Variants in ANO4 observed in about 807,000 individuals in gnomAD.
ANO4 encodes the protein anoctamin-4.
A neutral mutation model predicts 141.9 loss-of-function variants in ANO4; 69 were observed. The observed-to-expected ratio is 0.49, with a 90% CI of 0.40 to 0.59. ANO4 has a LOEUF of 0.59. ANO4 is among the 20% of genes least tolerant of loss of function. The pLI, the probability that ANO4 is intolerant of heterozygous loss-of-function variation, is 0.00. For synonymous variants in ANO4, 350 were observed against 394.3 expected, an observed-to-expected ratio of 0.89 and a Z score of 1.33; for missense variants, 894 against 1,162.2, an observed-to-expected ratio of 0.77 and a Z score of 3.36.
intron 2 of ANO4, among the ~76,000 whole-genome samples, chr12:100,918,703 T>C (rs1211486490): frequency 6.6e-6 from 1 of 152,204 alleles, no homozygotes; most frequent in Admixed American, 6.5e-5. Context: ...ATATAGCACA[T>C]ACAGTTATTT....
rs551135507 is a variant in ANO4 at position 100,996,318 on chromosome 12, T to G, written c.734+8648T>G. ...AAGTCTAGAGAATAACAAAATGACA[T>G]AGTTCTTTGTGCCTAAGAAAAAGCG... On this transcript the variant is annotated intron_variant, in intron 8 of 27. Coordinates refer to ENST00000392977, the MANE Select transcript of ANO4 (RefSeq NM_001286615.2). Among the ~76,000 whole-genome samples, 113 of 152,304 alleles carry G rather than the reference T, an allele frequency of 7.4e-4. 1 individual carries two copies. Among genetic ancestry groups the G allele is most frequent in the African/African-American group, 2.6e-3 (108 of 41,576 alleles).
intron 1 of ANO4, among the ~76,000 whole-genome samples, chr12:100,828,523 G>A (rs375309538): frequency 1.3e-5 from 2 of 152,146 alleles, no homozygotes; most frequent in African/African-American, 2.4e-5. Flanking sequence ...GTATTTACAC[G>A]TATGAGTCCC....
At chr12:101,049,401 AC>A (rs1325202431) in intron 14 of ANO4, among the ~76,000 whole-genome samples, 2 of 152,204 alleles carry the variant, frequency 1.3e-5, no homozygotes, top group East Asian at 3.9e-4. Flanking sequence ...TTCTTAGGGC[AC>A]TTAAAATTAT....
chr12:100,944,296 C>A (rs2042625728), intron 5 of ANO4, among the ~76,000 whole-genome samples: 1 of 151,932 alleles, frequency 6.6e-6, no homozygotes, highest in South Asian at 2.1e-4. Flanking sequence ...CTGCACAGTA[C>A]AGTGTGGAGC....
At chr12:100,756,630 G>A (rs890514685) in intron 3 of ANO4, among the ~76,000 whole-genome samples, 1 of 152,168 alleles carries the variant, frequency 6.6e-6, no homozygotes, top group African/African-American at 2.4e-5. Context: ...TTACAGGCAT[G>A]AGCCACTGCG....
rs529705702 is a variant in ANO4 at position 101,066,093 on chromosome 12, G to A, written c.1313-13100G>A. On this transcript the variant is annotated intron_variant, in intron 14 of 27. Transcript: ENST00000392977. ...CATGATAAAAACCCTCAAAAAACTG[G>A]GTGTAGAAGGAGAATACTTCAACAT... Among the ~76,000 whole-genome samples the A allele has an allele frequency of 2.0e-5, 3 of 152,222 alleles. No individual in the cohort carries two copies. The South Asian group carries it at 6.2e-4, about 32-fold the overall frequency.
intron 17 of ANO4, among the ~76,000 whole-genome samples, chr12:101,088,183 G>A (rs554560903): frequency 1.4e-4 from 21 of 152,190 alleles, no homozygotes; most frequent in Non-Finnish European, 4.4e-5. Flanking sequence ...TGCTCCAGCC[G>A]CACTTGTCCT....
intron 24 of ANO4, among the ~76,000 whole-genome samples, chr12:101,113,624 T>G (rs1319743774): frequency 6.6e-6 from 1 of 152,234 alleles, no homozygotes; most frequent in Non-Finnish European, 1.5e-5. Flanking sequence ...CACTGGCCAC[T>G]CTATTACTTT....
chr12:100,919,627 A>G (rs1205543631), intron 2 of ANO4, among the ~76,000 whole-genome samples: 2 of 151,738 alleles, frequency 1.3e-5, no homozygotes, highest in African/African-American at 4.8e-5. Context: ...CTCAGAAAGT[A>G]TCCCATCCTT....
At chr12:100,999,682 G>A (rs1434929261) in intron 8 of ANO4, among the ~76,000 whole-genome samples, 1 of 152,086 alleles carries the variant, frequency 6.6e-6, no homozygotes, top group South Asian at 2.1e-4. Flanking sequence ...AAAAAAGAAG[G>A]AAAGAAAAGA....
chr12:100,843,243 A>G (rs2037376838), intron 1 of ANO4, among the ~76,000 whole-genome samples: 2 of 152,182 alleles, frequency 1.3e-5, no homozygotes, highest in Admixed American at 1.3e-4. Flanking sequence ...AATAATTGCT[A>G]GTGGTTACCA....
intron 2 of ANO4, among the ~76,000 whole-genome samples, chr12:100,907,020 G>A (rs2040876761): frequency 1.3e-5 from 2 of 152,156 alleles, no homozygotes; most frequent in African/African-American, 2.4e-5. Flanking sequence ...GGTTTTAGAT[G>A]TTGGACAATT....
intron 3 of ANO4, among the ~76,000 whole-genome samples, chr12:100,760,318 C>T (rs2032796854): frequency 6.6e-6 from 1 of 152,132 alleles, no homozygotes; most frequent in South Asian, 2.1e-4. Flanking sequence ...AGTCATTATC[C>T]TTGTTTGACA....
At chr12:100,790,821 T>A (rs2034022337), upstream of ANO4, among the ~76,000 whole-genome samples, 1 of 152,210 alleles carries the variant, frequency 6.6e-6, no homozygotes, top group Admixed American at 6.5e-5. Flanking sequence ...CTATTTGGAA[T>A]GGTTGTTGCT....
At chr12:100,754,032 TGGCTGGCACCATTATTCAACCAGACACTG>T (rs1402033976) in intron 3 of ANO4, among the ~76,000 whole-genome samples, 7 of 152,200 alleles carry the variant, frequency 4.6e-5, no homozygotes, top group Non-Finnish European at 1.0e-4. Flanking sequence ...TTGTGAATAA[TGGCTGGCACCATTATTCAACCAGACACTG>T]AAATTGTTCT....
At chr12:100,717,489 C>T (rs991535422), upstream of ANO4, 2 of 398,698 alleles carry the variant, frequency 5.0e-6, no homozygotes, top group Middle Eastern at 5.5e-4. Flanking sequence ...CCGCTCTAGC[C>T]GACGCCCTGG....
intron 8 of ANO4, among the ~76,000 whole-genome samples, chr12:101,000,648 A>G (rs1288871825): frequency 6.6e-6 from 1 of 152,202 alleles, no homozygotes; most frequent in African/African-American, 2.4e-5. Flanking sequence ...GGGGAAACAT[A>G]TCTATGTTCT....
chr12:100,740,576 C>T (rs532022500), intron 3 of ANO4, among the ~76,000 whole-genome samples: 2 of 152,204 alleles, frequency 1.3e-5, no homozygotes, highest in African/African-American at 4.8e-5. Flanking sequence ...GGACTAAACT[C>T]GTGTATTCAA....
intron 1 of ANO4, among the ~76,000 whole-genome samples, chr12:100,831,486 T>C (rs1343815852): frequency 2.0e-5 from 3 of 150,640 alleles, no homozygotes; most frequent in African/African-American, 4.8e-5. Flanking sequence ...GGGTCTATAG[T>C]CAATCACTTC....
Sources: gnomAD v4.1 joint callset for allele counts (sites outside exome capture counted in the v4.1 genomes callset) on GRCh38, gnomAD v4.1.1 for gene constraint, MANE v1.5 for transcripts, NCBI Gene and HGNC (gene_info 2026-07-23, HGNC 2026-07-21) for gene names.